Variants in MACROD2 observed in about 807,000 individuals in gnomAD.
The protein encoded by MACROD2 is ADP-ribose glycohydrolase MACROD2.
A neutral mutation model predicts 70.4 loss-of-function variants in MACROD2; 36 were observed. The observed-to-expected ratio is 0.51, with a 90% CI of 0.39 to 0.68. The LOEUF (loss-of-function observed/expected upper bound fraction) is 0.68. Ranked by LOEUF, MACROD2 falls within the 30% of genes least tolerant of loss-of-function variation. MACROD2 has a pLI of 0.00. For missense variants in MACROD2, 496 were observed against 538.4 expected, an observed-to-expected ratio of 0.92 and a Z score of 0.78; for synonymous variants, 172 against 178.8, an observed-to-expected ratio of 0.96 and a Z score of 0.30.
chr20:15,566,357 G>A (rs6034219), intron 8 of MACROD2, among the ~76,000 whole-genome samples: 84,596 of 151,754 alleles, frequency 0.56, 27,371 homozygotes, highest in Non-Finnish European at 0.75. Flanking sequence ...AATTAGCCGG[G>A]TGTGGTGATG....
rs116769815 is a variant in MACROD2 at position 16,047,971 on chromosome 20, G to C, written c.1301-1859G>C. The stretch of plus-strand genomic sequence containing the variant: ...AGGTACTGCATGGGGAGAGAAAAAG[G>C]CTCCCAAGATAGATAGAAACCGCAA... On this transcript the variant is annotated intron_variant, in intron 17 of 17. Transcript: ENST00000684519. 7.2e-3 allele frequency among the ~76,000 whole-genome samples: 1,098 copies of C among 152,264 alleles called. 17 individuals are homozygous for C. Among genetic ancestry groups the C allele is most frequent in the African/African-American group, 0.025 (1,054 of 41,540 alleles).
chr20:15,351,919 A>G (rs942395078), intron 6 of MACROD2, among the ~76,000 whole-genome samples: 2 of 152,190 alleles, frequency 1.3e-5, no homozygotes, highest in African/African-American at 2.4e-5. Flanking sequence ...TGGCTTCAGA[A>G]CCCTGATACA....
At chr20:15,511,159 A>T (rs2047493550) in intron 8 of MACROD2, among the ~76,000 whole-genome samples, 1 of 152,230 alleles carries the variant, frequency 6.6e-6, no homozygotes, top group Admixed American at 6.5e-5. Context: ...AGTGATGGCC[A>T]GTGACAGGAA....
At chr20:15,147,633 C>T (rs193232899) in intron 5 of MACROD2, among the ~76,000 whole-genome samples, 14 of 152,142 alleles carry the variant, frequency 9.2e-5, no homozygotes, top group African/African-American at 3.4e-4. Context: ...AATCCATATC[C>T]AGTGGTGACA....
intron 5 of MACROD2, among the ~76,000 whole-genome samples, chr20:15,068,500 G>A (rs2075594860): frequency 6.6e-6 from 1 of 152,120 alleles, no homozygotes; most frequent in South Asian, 2.1e-4. Context: ...AGGTGTTTGG[G>A]TCATGGGAGA....
At chr20:14,206,513 T>C (rs1282066550) in intron 3 of MACROD2, among the ~76,000 whole-genome samples, 1 of 152,252 alleles carries the variant, frequency 6.6e-6, no homozygotes, top group South Asian at 2.1e-4. Flanking sequence ...TTTCATAGTT[T>C]GCTTTTGCCA....
At chr20:15,977,350 T>A (rs565497052) in intron 13 of MACROD2, among the ~76,000 whole-genome samples, 1 of 152,304 alleles carries the variant, frequency 6.6e-6, no homozygotes, top group East Asian at 1.9e-4. Context: ...CCTAGGAGAT[T>A]ATCTCGTTCC....
intron 8 of MACROD2, among the ~76,000 whole-genome samples, chr20:15,673,694 A>G (rs948247367): frequency 8.6e-5 from 13 of 151,536 alleles, no homozygotes; most frequent in East Asian, 1.9e-4. Context: ...GCATATTTTC[A>G]TGTAAGATAT....
chr20:15,546,485 A>G (rs1264876228), intron 8 of MACROD2, among the ~76,000 whole-genome samples: 3 of 152,230 alleles, frequency 2.0e-5, no homozygotes, highest in Non-Finnish European at 4.4e-5. Flanking sequence ...AGATATCTCA[A>G]TACTGAAGTT....
At position 15,050,620 on chromosome 20, in the gene MACROD2, C is replaced by T. The variant is rs1392540279; in HGVS notation, c.419-179320C>T. Among the ~76,000 whole-genome samples the T allele has an allele frequency of 5.9e-5, 8 of 134,936 alleles. No homozygotes were observed. In the South Asian group the frequency reaches 9.5e-4, roughly 16 times the overall value. The allele number at this position is 134,936 out of a possible 152,430, so 88.5% of individuals were successfully genotyped here. A position where few individuals can be genotyped will look rare whatever the true frequency, so the allele number is the denominator to read the frequency against. ...GCAGTGGCATGATCTTGGCTCACTG[C>T]AAGCTCCGCCTCCTGGGTTCACGCT... On this transcript the variant is annotated intron_variant, in intron 5 of 17. Transcript: ENST00000684519.
intron 10 of MACROD2, among the ~76,000 whole-genome samples, chr20:15,919,726 C>T (rs1311000842): frequency 6.6e-6 from 1 of 151,824 alleles, no homozygotes; most frequent in East Asian, 1.9e-4. Flanking sequence ...CAGTACGAGA[C>T]TCCATTTGAA....
At chr20:14,480,617 A>G (rs2123070387) in intron 3 of MACROD2, among the ~76,000 whole-genome samples, 1 of 152,272 alleles carries the variant, frequency 6.6e-6, no homozygotes, top group South Asian at 2.1e-4. Context: ...TCTGTCTGAG[A>G]TTAATATCAG....
intron 4 of MACROD2, among the ~76,000 whole-genome samples, chr20:14,513,730 A>C (rs2123154770): frequency 6.6e-6 from 1 of 152,200 alleles, no homozygotes; most frequent in East Asian, 1.9e-4. Context: ...CATATGAATA[A>C]AATAACATTA....
At chr20:14,204,430 TG>T (rs1434788402) in intron 3 of MACROD2, among the ~76,000 whole-genome samples, 1 of 151,958 alleles carries the variant, frequency 6.6e-6, no homozygotes, top group Non-Finnish European at 1.5e-5. Flanking sequence ...CGTAGTCTGG[TG>T]GGGGCTGAGC....
At chr20:15,906,665 T>C (rs769250843) in intron 10 of MACROD2, among the ~76,000 whole-genome samples, 7 of 152,206 alleles carry the variant, frequency 4.6e-5, no homozygotes, top group Admixed American at 1.3e-4. Context: ...TCTCCTCCAG[T>C]CTGGAACAGT....
chr20:14,431,093 T>C (rs938873996), intron 3 of MACROD2, among the ~76,000 whole-genome samples: 1 of 152,168 alleles, frequency 6.6e-6, no homozygotes, highest in African/African-American at 2.4e-5. Context: ...TGCTGTCTGA[T>C]GACACAGAGT....
At chr20:15,411,394 T>C (rs1444444547) in intron 6 of MACROD2, among the ~76,000 whole-genome samples, 1 of 151,730 alleles carries the variant, frequency 6.6e-6, no homozygotes, top group Non-Finnish European at 1.5e-5. Flanking sequence ...TATCTGCCAA[T>C]GGGAAAAAAA....
chr20:15,017,963 C>T (rs1489782157), intron 5 of MACROD2, among the ~76,000 whole-genome samples: 1 of 152,208 alleles, frequency 6.6e-6, no homozygotes, highest in Non-Finnish European at 1.5e-5. Context: ...GGGAAGTTCT[C>T]TGACATGGCC....
intron 3 of MACROD2, among the ~76,000 whole-genome samples, chr20:14,228,131 C>G (rs1204556745): frequency 6.6e-6 from 1 of 150,614 alleles, no homozygotes; most frequent in African/African-American, 2.4e-5. Context: ...CTGCAATTTA[C>G]TCTTAAAAAC....
Sources: allele counts gnomAD v4.1 joint callset (sites outside exome capture counted in the v4.1 genomes callset), GRCh38; gene constraint gnomAD v4.1.1; transcripts MANE v1.5; gene names NCBI Gene and HGNC (gene_info 2026-07-23, HGNC 2026-07-21).